BACH2: variants seen among roughly 807,000 people sequenced by gnomAD.
The protein encoded by BACH2 is BACH transcriptional regulator 2.
Under a neutral mutation model 61.8 loss-of-function variants are expected in BACH2, and 5 were observed. That is an observed-to-expected ratio of 0.08 (90% CI 0.04 to 0.17). BACH2 has a LOEUF of 0.17. Ranked by LOEUF, BACH2 falls within the 10% of genes least tolerant of loss-of-function variation. BACH2 has a pLI of 1.00. For synonymous variants in BACH2, 446 were observed against 440.1 expected (o/e 1.01, Z -0.17); for missense variants, 824 against 1,091.1 (o/e 0.76, Z 3.45).
chr6:89,988,037 T>C (rs567710743), intron 6 of BACH2, among the ~76,000 whole-genome samples: 19 of 152,338 alleles, frequency 1.2e-4, no homozygotes, highest in Admixed American at 5.9e-4. Context: ...CAGTTTGGAA[T>C]GCTGGCCTAG....
chr6:90,058,974 C>T (rs896491746), intron 5 of BACH2, among the ~76,000 whole-genome samples: 1 of 152,142 alleles, frequency 6.6e-6, no homozygotes, highest in Non-Finnish European at 1.5e-5. Flanking sequence ...AAAATTAATT[C>T]AAGATGGATT....
At chr6:89,933,329 GA>G (rs1253237448) in intron 8 of BACH2, among the ~76,000 whole-genome samples, 1 of 151,966 alleles carries the variant, frequency 6.6e-6, no homozygotes, top group African/African-American at 2.4e-5. Context: ...ATGACATTTC[GA>G]AAAAAGCAAA....
intron 4 of BACH2, among the ~76,000 whole-genome samples, chr6:90,148,501 A>G (rs145364017): frequency 7.9e-5 from 12 of 152,348 alleles, no homozygotes; most frequent in African/African-American, 2.9e-4. Context: ...CCAACAGTGG[A>G]AAAACTAGAC....
intron 4 of BACH2, among the ~76,000 whole-genome samples, chr6:90,117,694 A>C (rs1783460523): frequency 6.6e-6 from 1 of 152,182 alleles, no homozygotes; most frequent in East Asian, 1.9e-4. Flanking sequence ...CTAATCCATG[A>C]ATCCCATCAA....
At chr6:90,160,328 G>A (rs1241569839) in intron 4 of BACH2, among the ~76,000 whole-genome samples, 1 of 152,184 alleles carries the variant, frequency 6.6e-6, no homozygotes, top group African/African-American at 2.4e-5. Context: ...GGCCCTTTGT[G>A]TATGTGCATG....
intron 5 of BACH2, among the ~76,000 whole-genome samples, chr6:90,068,638 G>GT (rs200261856): frequency 1.4e-3 from 202 of 140,674 alleles, no homozygotes; most frequent in Middle Eastern, 7.2e-3. Flanking sequence ...GGTTGTTGTT[G>GT]TTTTTTTTTT....
intron 4 of BACH2, chr6:90,104,555 G>C (rs10485038): frequency 0.1 from 15,351 of 152,294 alleles, 1,280 homozygotes; most frequent in African/African-American, 0.22. Flanking sequence ...TTCTCCTTCA[G>C]TTAGGCCAGG....
chr6:90,127,069 C>T (rs557359669), intron 4 of BACH2, among the ~76,000 whole-genome samples: 9 of 152,296 alleles, frequency 5.9e-5, no homozygotes, highest in South Asian at 2.1e-4. Context: ...TCACAAGTGA[C>T]GCTCAAAATT....
chr6:90,039,638 C>T (rs1582247627), intron 5 of BACH2, among the ~76,000 whole-genome samples: 1 of 152,154 alleles, frequency 6.6e-6, no homozygotes, highest in Non-Finnish European at 1.5e-5. Context: ...CTCGCCTCGG[C>T]CTCCCAAAAT....
intron 2 of BACH2, among the ~76,000 whole-genome samples, chr6:90,262,724 G>A (rs962969417): frequency 7.9e-5 from 12 of 152,158 alleles, no homozygotes; most frequent in African/African-American, 2.9e-4. Flanking sequence ...CACGTGAAAA[G>A]TGGATACTTG....
intron 3 of BACH2, among the ~76,000 whole-genome samples, chr6:90,207,365 T>C (rs1769184568): frequency 6.6e-6 from 1 of 152,188 alleles, no homozygotes; most frequent in African/African-American, 2.4e-5. Context: ...GTGATCCTCC[T>C]GCCTTAGCCT....
chr6:89,944,803 G>A (rs1773634959), intron 7 of BACH2, among the ~76,000 whole-genome samples: 1 of 151,626 alleles, frequency 6.6e-6, no homozygotes, highest in African/African-American at 2.4e-5. Flanking sequence ...ACTTTTGACT[G>A]TGCAAAGAAA....
chr6:90,012,731 T>A (rs995509704), intron 5 of BACH2, among the ~76,000 whole-genome samples: 1 of 151,958 alleles, frequency 6.6e-6, no homozygotes, highest in South Asian at 2.1e-4. Flanking sequence ...AGTGGTGCGA[T>A]CTTGGCTCAC....
chr6:90,124,846 A>G (rs1423032308), intron 4 of BACH2, among the ~76,000 whole-genome samples: 3 of 152,240 alleles, frequency 2.0e-5, no homozygotes, highest in African/African-American at 4.8e-5. Context: ...ACCTAATGCC[A>G]GAACACCAGC....
intron 4 of BACH2, among the ~76,000 whole-genome samples, chr6:90,168,046 T>C (rs1418381342): frequency 6.6e-6 from 1 of 152,186 alleles, no homozygotes; most frequent in Non-Finnish European, 1.5e-5. Context: ...GCAAAGAGGC[T>C]GACCACACCG....
intron 3 of BACH2, among the ~76,000 whole-genome samples, chr6:90,233,592 C>T (rs1440767677): frequency 1.3e-5 from 2 of 152,068 alleles, no homozygotes; most frequent in South Asian, 2.1e-4. Context: ...ATAAAGAGTC[C>T]CTTTTGGGGT....
intron 1 of BACH2, among the ~76,000 whole-genome samples, chr6:90,287,795 AT>A (rs1326792498): frequency 6.6e-6 from 1 of 152,192 alleles, no homozygotes; most frequent in East Asian, 1.9e-4. Context: ...TTTGTCTCCT[AT>A]TAACATGCTG....
intron 3 of BACH2, among the ~76,000 whole-genome samples, chr6:90,234,893 G>A (rs1770209210): frequency 6.6e-6 from 1 of 152,182 alleles, no homozygotes; most frequent in African/African-American, 2.4e-5. Context: ...CTAGCTGGGT[G>A]ACCTTGGGCA....
chr6:90,063,683 A>AT (rs148555539), intron 5 of BACH2, among the ~76,000 whole-genome samples: 3,700 of 152,166 alleles, frequency 0.024, 158 homozygotes, highest in African/African-American at 0.084. Flanking sequence ...TTGAACTTCA[A>AT]TTTTTTCCTC....
Sources: gnomAD v4.1 joint callset for allele counts (sites outside exome capture counted in the v4.1 genomes callset) on GRCh38, gnomAD v4.1.1 for gene constraint, MANE v1.5 for transcripts, NCBI Gene and HGNC (gene_info 2026-07-23, HGNC 2026-07-21) for gene names.